SGCD: variants seen among roughly 807,000 people sequenced by gnomAD.
The protein encoded by SGCD is sarcoglycan delta, also known as delta-sarcoglycan.
SGCD carries 18 observed loss-of-function variants against 36.6 expected under a neutral mutation model. The observed-to-expected ratio is 0.49, with a 90% CI of 0.34 to 0.73. SGCD has a LOEUF of 0.73. Among genes scored for constraint, SGCD ranks in the 30% least tolerant of loss-of-function variants. The pLI is 0.01. For synonymous variants in SGCD, 133 were observed against 130.6 expected (o/e 1.02, Z -0.12); for missense variants, 387 against 346.7 (o/e 1.12, Z -0.92).
intron 3 of SGCD, among the ~76,000 whole-genome samples, chr5:156,272,068 G>A (rs1766194972): frequency 6.6e-6 from 1 of 151,968 alleles, no homozygotes; most frequent in African/African-American, 2.4e-5. Context: ...GTTGAACATA[G>A]GTAAGTTCCT....
At chr5:156,196,889 T>C (rs555573717) in intron 3 of SGCD, among the ~76,000 whole-genome samples, 3 of 152,314 alleles carry the variant, frequency 2.0e-5, no homozygotes, top group African/African-American at 7.2e-5. Flanking sequence ...ACACTTTACA[T>C]TTATCAAAGA....
At chr5:155,937,741 A>G (rs1757237565) in intron 1 of SGCD, among the ~76,000 whole-genome samples, 1 of 152,188 alleles carries the variant, frequency 6.6e-6, no homozygotes, top group Non-Finnish European at 1.5e-5. Context: ...TTGAGAAGCA[A>G]CAAACCTATG....
At chr5:156,102,951 G>A (rs1190959792) in intron 1 of SGCD, among the ~76,000 whole-genome samples, 6 of 151,934 alleles carry the variant, frequency 3.9e-5, no homozygotes, top group Non-Finnish European at 8.8e-5. Context: ...TTCAAAAGAG[G>A]CAAAATCGTG....
chr5:156,374,318 G>A (rs919783186), intron 3 of SGCD, among the ~76,000 whole-genome samples: 8 of 152,094 alleles, frequency 5.3e-5, no homozygotes, highest in Non-Finnish European at 1.2e-4. Flanking sequence ...AATAACTAGG[G>A]TTTTTAGATC....
intron 4 of SGCD, among the ~76,000 whole-genome samples, chr5:156,584,136 C>G (rs563372306): frequency 6.6e-6 from 1 of 152,304 alleles, no homozygotes; most frequent in Non-Finnish European, 1.5e-5. Context: ...TTCTATCTCC[C>G]TTAAGCATCA....
chr5:155,909,366 A>T (rs1166719269), intron 1 of SGCD, among the ~76,000 whole-genome samples: 1 of 152,152 alleles, frequency 6.6e-6, no homozygotes, highest in Non-Finnish European at 1.5e-5. Flanking sequence ...ACTTTGTGAC[A>T]AGTGGGGTCC....
chr5:156,113,472 G>C lies in SGCD; in HGVS notation c.-281-4406G>C, dbSNP rs1002299366. On this transcript the variant is annotated intron_variant, in intron 1 of 9. Coordinates refer to the SGCD transcript ENST00000517913. ...ACAGTTGAGTGGCTTTTGAGGTACA[G>C]AATATCAGCCTCAGCATGCTGCCTA... Among the ~76,000 whole-genome samples, 7 of 152,130 alleles carry C rather than the reference G, an allele frequency of 4.6e-5. No homozygotes were observed. In the East Asian group the frequency reaches 1.2e-3, roughly 25 times the overall value.
chr5:156,254,718 A>G (rs973688170), intron 3 of SGCD, among the ~76,000 whole-genome samples: 1 of 152,136 alleles, frequency 6.6e-6, no homozygotes, highest in Non-Finnish European at 1.5e-5. Flanking sequence ...ATGGTGGCAT[A>G]TGCCTGTGGC....
intron 7 of SGCD, among the ~76,000 whole-genome samples, chr5:156,753,269 C>T (rs1250018823): frequency 6.6e-6 from 1 of 152,224 alleles, no homozygotes; most frequent in African/African-American, 2.4e-5. Context: ...GGCCACTCCT[C>T]CTTTCTGCAT....
intron 3 of SGCD, among the ~76,000 whole-genome samples, chr5:156,347,988 G>A (rs894047843): frequency 6.6e-6 from 1 of 152,148 alleles, no homozygotes; most frequent in Non-Finnish European, 1.5e-5. Context: ...AGCCAATAAT[G>A]CATTTGAGCA....
intron 1 of SGCD, among the ~76,000 whole-genome samples, chr5:155,977,988 G>A (rs1758152897): frequency 6.6e-6 from 1 of 152,100 alleles, no homozygotes; most frequent in South Asian, 2.1e-4. Context: ...CAGCTACTCG[G>A]GATCCTGAGG....
chr5:156,624,115 A>G (rs1762355633), intron 6 of SGCD, among the ~76,000 whole-genome samples: 2 of 152,196 alleles, frequency 1.3e-5, no homozygotes, highest in African/African-American at 4.8e-5. Flanking sequence ...CTCACCTGGA[A>G]ATATCCCAGA....
intron 7 of SGCD, among the ~76,000 whole-genome samples, chr5:156,698,665 C>T (rs538384720): frequency 3.3e-4 from 50 of 152,224 alleles, no homozygotes; most frequent in African/African-American, 1.1e-3. Context: ...TTCAGAGAAG[C>T]AGAGTCTTAA....
intron 3 of SGCD, among the ~76,000 whole-genome samples, chr5:156,459,951 A>C (rs1754414446): frequency 6.6e-6 from 1 of 152,176 alleles, no homozygotes; most frequent in South Asian, 2.1e-4. Context: ...TTCCACCCAG[A>C]CTATTCAAAT....
intron 1 of SGCD, among the ~76,000 whole-genome samples, chr5:155,877,891 C>T (rs1023073716): frequency 7.9e-5 from 12 of 152,064 alleles, no homozygotes; most frequent in Non-Finnish European, 2.9e-5. Context: ...GCAGAAATTA[C>T]ATGTTAAGGT....
chr5:156,622,588 T>C (rs1042711687), intron 6 of SGCD, among the ~76,000 whole-genome samples: 1 of 151,944 alleles, frequency 6.6e-6, no homozygotes, highest in African/African-American at 2.4e-5. Context: ...ATAAACATTT[T>C]CTATGACATG....
intron 3 of SGCD, 33 bp from the exon 4 acceptor site, chr5:156,508,568 T>C: frequency 7.1e-7 from 1 of 1,413,750 alleles, no homozygotes; most frequent in South Asian, 1.2e-5. Context: ...TGGCTAATCA[T>C]ATCTTCCTTG....
chr5:156,404,040 G>A (rs184555450), intron 3 of SGCD, among the ~76,000 whole-genome samples: 10 of 152,056 alleles, frequency 6.6e-5, no homozygotes, highest in Admixed American at 5.2e-4. Flanking sequence ...TCACCATGTT[G>A]GCCAGGCTGG....
the SGCD span, among the ~76,000 whole-genome samples, chr5:155,818,348 G>A: frequency 6.6e-6 from 1 of 152,106 alleles, no homozygotes; most frequent in Non-Finnish European, 1.5e-5. Context: ...CAAGAGGCAG[G>A]TCAGAGCAAC....
Sources: gnomAD v4.1 joint callset for allele counts (sites outside exome capture counted in the v4.1 genomes callset) on GRCh38, gnomAD v4.1.1 for gene constraint, MANE v1.5 for transcripts, NCBI Gene and HGNC (gene_info 2026-07-23, HGNC 2026-07-21) for gene names.